The following MYOT variants were observed in gnomAD, a reference collection of about 807,000 sequenced individuals.
The protein encoded by MYOT is myotilin, also known as 57 kDa cytoskeletal protein.
In MYOT, 36 loss-of-function variants were observed where a neutral mutation model predicts 58.0. The ratio of observed to expected loss-of-function variants is 0.62; its 90% CI spans 0.48 to 0.82. The LOEUF (loss-of-function observed/expected upper bound fraction) is 0.82. Among genes scored for constraint, MYOT ranks in the 40% least tolerant of loss-of-function variants. The probability of loss-of-function intolerance (pLI) is 0.00; values close to 1 mark genes in which losing one functional copy is unlikely to be tolerated. For missense variants in MYOT, 505 were observed against 592.1 expected (o/e 0.85, Z 1.53); for synonymous variants, 218 against 204.6 (o/e 1.07, Z -0.56).
rs376784276 is a variant in MYOT, at chr5:137,883,463, T to C, written c.896T>C (p.Ile299Thr). 1.9e-6 allele frequency: 3 copies of C among 1,614,006 alleles called. No individual in the cohort carries two copies. The highest frequency in any genetic ancestry group is 8.5e-7 in the Non-Finnish European group (1 of 1,180,002). ...CAATCAGATGATTTGCACAAAATGA[T>C]AGTGTCTGAGAAGGGTCTTCATTCA... ...TVQSDDLHKM[I>T]VSEKGLHSLI... The change falls in exon 7 of 10, where the codon ATA becomes ACA. Residue 299 changes from isoleucine to threonine, a missense_variant. Physicochemically the swap from Ile to Thr is moderately conservative, Grantham distance 89. Transcript: ENST00000239926.
At chr5:137,879,085 A>T (rs1755327865) in intron 4 of MYOT, among the ~76,000 whole-genome samples, 1 of 152,062 alleles carries the variant, frequency 6.6e-6, no homozygotes, top group African/African-American at 2.4e-5. Flanking sequence ...ATAGGTGCGC[A>T]CACCGTGCTG....
intron 5 of MYOT, 26 bp downstream of exon 5, chr5:137,880,891 TG>T (rs1561662655): frequency 1.3e-6 from 2 of 1,486,900 alleles, no homozygotes; most frequent in South Asian, 1.2e-5. Context: ...TTTAAAGAAA[TG>T]TATGTTTTCC....
chr5:137,871,025 T>A lies in MYOT; in HGVS notation c.356+18T>A, dbSNP rs1057404410. ...GATTCCAAGTAAGTGAATTTTTATA[T>A]ACCGCATGTACAGTGAACTTATATC... On this transcript the variant is annotated intron_variant, in intron 2 of 9. Transcript: ENST00000239926. 6.3e-7 allele frequency: 1 copy of A among 1,594,890 alleles called. No individual in the cohort carries two copies. The highest frequency in any genetic ancestry group is 8.6e-7 in the Non-Finnish European group (1 of 1,163,924).
intron 2 of MYOT, 94 bp downstream of exon 2, chr5:137,871,101 CT>C: frequency 9.6e-7 from 1 of 1,039,868 alleles, no homozygotes. Flanking sequence ...GCAGTTCATT[CT>C]TTACTATCTA....
chr5:137,885,326 A>G (rs577609198), intron 7 of MYOT, among the ~76,000 whole-genome samples: 1 of 152,108 alleles, frequency 6.6e-6, no homozygotes, highest in South Asian at 2.1e-4. Flanking sequence ...TTTTTTTTAT[A>G]ACAATAGATA....
chr5:137,887,652 T>C lies in MYOT; in HGVS notation c.*267T>C, dbSNP rs1007747874. The C allele has an allele frequency of 5.2e-6, 1 of 193,990 alleles. No individual in the cohort carries two copies. The highest frequency in any genetic ancestry group is 1.0e-5 in the Non-Finnish European group (1 of 96,978). 12.0% of individuals were successfully genotyped at this position (193,990 alleles called of 1,614,324 possible). On this transcript the variant is annotated 3_prime_UTR_variant, in exon 10 of 10. Transcript: ENST00000239926. ...ATACAGGATTTTAACATTTAAGTCA[T>C]GCACATTTAACAATTACAGGTTATA...
chr5:137,887,501 T>C lies in MYOT; in HGVS notation c.*116T>C, dbSNP rs1580869426. ...AGATTATGGTTTTAATTAGGTAATATAGTTAATATATATTTATAATATTAT... is the reference window on the plus strand; with the variant it reads ...AGATTATGGTTTTAATTAGGTAATACAGTTAATATATATTTATAATATTAT... On this transcript the variant is annotated 3_prime_UTR_variant, in exon 10 of 10. Transcript: ENST00000239926. The C allele has an allele frequency of 3.9e-6, 3 of 773,904 alleles. No homozygotes were observed. Among genetic ancestry groups the C allele is most frequent in the African/African-American group, 1.8e-5 (1 of 56,290 alleles). 47.9% of individuals were successfully genotyped at this position (773,904 alleles called of 1,614,324 possible). A position where few individuals can be genotyped will look rare whatever the true frequency, so the allele number is the denominator to read the frequency against.
At chr5:137,880,661 T>G in intron 4 of MYOT, 155 bp from the exon 5 acceptor site, 1 of 642,720 alleles carries the variant, frequency 1.6e-6, no homozygotes, top group Non-Finnish European at 2.8e-6. Context: ...TAGTGCACTG[T>G]ACTTTAAGGG....
chr5:137,872,391 T>C (rs1755078507), intron 2 of MYOT, among the ~76,000 whole-genome samples: 1 of 152,200 alleles, frequency 6.6e-6, no homozygotes. Context: ...AATTTTTTGT[T>C]TTTCTTAGTA....
At position 137,885,658 on chromosome 5, in the gene MYOT, G is replaced by C. The variant is rs1477181878; in HGVS notation, c.1025-390G>C. On this transcript the variant is annotated intron_variant, in intron 7 of 9. Coordinates refer to ENST00000239926, the MANE Select transcript of MYOT (RefSeq NM_006790.3). ...GGTGTGGTGCACACCTGTAATCCCAGCTACTCAGGAGGCTGTGGCAGGAGA... is the reference window on the plus strand; with the variant it reads ...GGTGTGGTGCACACCTGTAATCCCACCTACTCAGGAGGCTGTGGCAGGAGA... Among the ~76,000 whole-genome samples the C allele has an allele frequency of 2.6e-5, 4 of 150,992 alleles. No individual in the cohort carries two copies. In the South Asian group the frequency reaches 6.3e-4, roughly 24 times the overall value.
At chr5:137,871,153 C>A (rs1180432403) in intron 2 of MYOT, 146 bp downstream of exon 2, 5 of 746,072 alleles carry the variant, frequency 6.7e-6, no homozygotes, top group Non-Finnish European at 1.1e-5. Flanking sequence ...CATAGTTCTA[C>A]TAGAACATGC....
rs1172576383 is a variant in MYOT at position 137,877,367 on chromosome 5, C to CA, written c.532-129dup. On this transcript the variant is annotated intron_variant, in intron 3 of 9. Transcript: ENST00000239926. Reference sequence around the variant, plus strand: ...TGGGCGACGGAGTAAGACTCCGTCTCAAAAAAAAAAAAAAAAAAAAAAAAT... The same window carrying CA: ...TGGGCGACGGAGTAAGACTCCGTCTCAAAAAAAAAAAAAAAAAAAAAAAAAT... Among the ~76,000 whole-genome samples the CA allele has an allele frequency of 0.054, 2,215 of 40,702 alleles. 61 individuals carry two copies. Among genetic ancestry groups the CA allele is most frequent in the African/African-American group, 0.079 (1,015 of 12,850 alleles). The allele number at this position is 40,702 out of a possible 152,430, so 26.7% of individuals were successfully genotyped here.
At chr5:137,877,124 T>C (rs954323951) in intron 3 of MYOT, among the ~76,000 whole-genome samples, 5 of 150,754 alleles carry the variant, frequency 3.3e-5, no homozygotes, top group African/African-American at 9.7e-5. Context: ...ATCCCAGCAC[T>C]TGGGGAGGCC....
chr5:137,884,673 A>G (rs1410298958), intron 7 of MYOT, among the ~76,000 whole-genome samples: 1 of 152,196 alleles, frequency 6.6e-6, no homozygotes, highest in Non-Finnish European at 1.5e-5. Flanking sequence ...CTGGATTTTC[A>G]GGTTAAGAAT....
chr5:137,885,837 TG>T (rs1419634243), intron 7 of MYOT, among the ~76,000 whole-genome samples: 1 of 150,084 alleles, frequency 6.7e-6, no homozygotes, highest in Non-Finnish European at 1.5e-5. Flanking sequence ...TATAATTATC[TG>T]ATTATCAATT....
rs1755403182 is a variant in MYOT at position 137,880,816 on chromosome 5, C to A, written c.634C>A (p.Gln212Lys). 14 of 1,611,592 alleles carry A rather than the reference C, an allele frequency of 8.7e-6. No individual in the cohort carries two copies. The East Asian group carries it at 3.1e-4, about 36-fold the overall frequency. Residue 212 changes from glutamine (Q) to lysine (K), a missense_variant and splice_region_variant, in exon 5 of 10, where the codon CAA (glutamine) becomes AAA (lysine). Coordinates refer to ENST00000239926, the MANE Select transcript of MYOT (RefSeq NM_006790.3). The stretch of plus-strand genomic sequence containing the variant: ...ATTCTTACTTTGTTTTAATTTCAAG[C>A]AACACAACTCAGAACATGCGCGACT... ...QDDSGAQDSQ[Q>K]HNSEHARLQV... is the part of the protein sequence containing the mutation.
intron 6 of MYOT, chr5:137,882,752 G>C (rs536548943): frequency 6.4e-6 from 1 of 156,062 alleles, no homozygotes; most frequent in African/African-American, 2.4e-5. Context: ...AAGCCACCCT[G>C]CTTTCTCTTG....
chr5:137,887,292 GA>G lies in MYOT; in HGVS notation c.1407del (p.Gly470ValfsTer2), dbSNP rs749559938. The G allele has an allele frequency of 1.2e-6, 2 of 1,614,034 alleles. No homozygotes were observed. On this transcript the variant is annotated frameshift_variant, in exon 10 of 10. Transcript: ENST00000239926. LOFTEE classifies it high-confidence loss of function. ...TCAGCAAATATTTAGCACTTAATGG[GA>G]AAGGTTTGAATGTAAAACAAGCTTT... ...TFSKYLALNG[K>X]GLNVKQAFNP...
At chr5:137,886,406 A>G (rs946352702) in intron 8 of MYOT, among the ~76,000 whole-genome samples, 193 bp downstream of exon 8, 1 of 152,198 alleles carries the variant, frequency 6.6e-6, no homozygotes, top group Non-Finnish European at 1.5e-5. Flanking sequence ...CTAATCAGAA[A>G]TGTAAGGCAT....
Sources: gnomAD v4.1 joint callset for allele counts (sites outside exome capture counted in the v4.1 genomes callset) on GRCh38, gnomAD v4.1.1 for gene constraint, MANE v1.5 for transcripts, NCBI Gene and HGNC (gene_info 2026-07-23, HGNC 2026-07-21) for gene names.